Variants in FSD2 observed in about 807,000 individuals in gnomAD.
The protein encoded by FSD2 is fibronectin type III and SPRY domain containing 2.
FSD2 carries 71 observed loss-of-function variants against 80.4 expected under a neutral mutation model. The observed-to-expected ratio is 0.88, with a 90% CI of 0.73 to 1.08. The LOEUF (loss-of-function observed/expected upper bound fraction) is 1.08. FSD2 is among the 50% of genes least tolerant of loss of function. The pLI, the probability that FSD2 is intolerant of heterozygous loss-of-function variation, is 0.00. For synonymous variants in FSD2, 361 were observed against 329.5 expected (o/e 1.10, Z -1.03); for missense variants, 923 against 913.8 (o/e 1.01, Z -0.13).
rs879609595 is a variant in FSD2, at chr15:82,757,522, C to G, written c.*1826G>C. The stretch of plus-strand genomic sequence containing the variant: ...AATTTTTTTGTATTTTTAGTAGAGA[C>G]GGGGTTTCACCGTATTAGCCAGGAT... On this transcript the variant is annotated 3_prime_UTR_variant, in exon 13 of 13. Transcript: ENST00000334574. 2 of 151,926 alleles carry G rather than the reference C, an allele frequency of 1.3e-5. No individual in the cohort carries two copies. The highest frequency in any genetic ancestry group is 2.9e-5 in the Non-Finnish European group (2 of 68,016). The allele number at this position is 151,926 out of a possible 1,614,324, so 9.4% of individuals were successfully genotyped here.
intron 1 of FSD2, among the ~76,000 whole-genome samples, chr15:82,797,039 AAAC>A (rs200008144): frequency 1.6e-4 from 24 of 149,862 alleles, no homozygotes; most frequent in African/African-American, 3.9e-4. Context: ...AAAAAAAAAA[AAAC>A]ACCTCCAGGG....
At position 82,757,250 on chromosome 15, in the gene FSD2, G is replaced by A. The variant is rs1231356689; in HGVS notation, c.*2098C>T. 1 of 151,708 alleles carries A rather than the reference G, an allele frequency of 6.6e-6. No individual in the cohort carries two copies. The highest frequency in any genetic ancestry group is 1.5e-5 in the Non-Finnish European group (1 of 68,004). 9.4% of individuals were successfully genotyped at this position (151,708 alleles called of 1,614,324 possible). A position where few individuals can be genotyped will look rare whatever the true frequency, so the allele number is the denominator to read the frequency against. On this transcript the variant is annotated 3_prime_UTR_variant, in exon 13 of 13. Transcript: ENST00000334574. ...TCCATTTATCCGTGTTCATACTAAC[G>A]TGTAGTATTCCATAAAGCCTATTAG...
intron 1 of FSD2, 104 bp downstream of exon 1, chr15:82,805,859 CATG>C (rs1278364356): frequency 2.0e-5 from 3 of 152,186 alleles, no homozygotes; most frequent in Non-Finnish European, 2.9e-5. Context: ...TGCAATTTAC[CATG>C]ATATCTCTTC....
At position 82,756,114 on chromosome 15, in the gene FSD2, TAC is replaced by T. The variant is rs755070067; in HGVS notation, c.*3232_*3233del. 1 of 416,558 alleles carries T rather than the reference TAC, an allele frequency of 2.4e-6. No individual in the cohort carries two copies. The highest frequency in any genetic ancestry group is 2.4e-5 in the Admixed American group (1 of 41,988). The allele number at this position is 416,558 out of a possible 1,614,324, so 25.8% of individuals were successfully genotyped here. The stretch of plus-strand genomic sequence containing the variant: ...GTCTTCCTATAGAAAATAGGAGTAG[TAC>T]ACTTATAGATGAGAAAACTGGAGAA... On this transcript the variant is annotated 3_prime_UTR_variant, in exon 13 of 13. Transcript: ENST00000334574.
chr15:82,763,286 G>A (rs1294111270), intron 11 of FSD2, among the ~76,000 whole-genome samples: 7 of 152,118 alleles, frequency 4.6e-5, no homozygotes, highest in South Asian at 4.1e-4. Flanking sequence ...TTATCTACCC[G>A]GTAACCCCCT....
intron 8 of FSD2, 129 bp downstream of exon 8, chr15:82,769,621 A>G: frequency 1.7e-6 from 2 of 1,192,090 alleles, no homozygotes; most frequent in East Asian, 2.4e-5. Flanking sequence ...TGTTAAATAA[A>G]AGAAAAAAAT....
chr15:82,769,775 AGAGGGGCTGGG>A lies in FSD2; in HGVS notation c.1366_1376del (p.Pro456Ter). On this transcript the variant is annotated frameshift_variant, in exon 8 of 13. Transcript: ENST00000334574. LOFTEE classifies it high-confidence loss of function. Reference sequence around the variant, plus strand: ...CTGTCATGTACACTGCACGCTCGCTAGAGGGGCTGGGGCCAGCCCTGTTGTGAGCTGTGACC... The same window carrying A: ...CTGTCATGTACACTGCACGCTCGCTAGCCAGCCCTGTTGTGAGCTGTGACC... 1 of 1,613,938 alleles carries A rather than the reference AGAGGGGCTGGG, an allele frequency of 6.2e-7. No homozygotes were observed. The highest frequency in any genetic ancestry group is 8.5e-7 in the Non-Finnish European group (1 of 1,179,844).
At chr15:82,774,268 G>T (rs2049660379) in intron 6 of FSD2, among the ~76,000 whole-genome samples, 1 of 152,004 alleles carries the variant, frequency 6.6e-6, no homozygotes, top group Non-Finnish European at 1.5e-5. Flanking sequence ...TAGAGATAGG[G>T]TCTTGCTATT....
intron 7 of FSD2, 139 bp from the exon 8 acceptor site, chr15:82,770,023 T>TCATGCTGCA: frequency 1.1e-6 from 1 of 888,556 alleles, no homozygotes; most frequent in Non-Finnish European, 1.7e-6. Context: ...CTCTGCAGCA[T>TCATGCTGCA]GACTTTGCTG....
At position 82,787,019 on chromosome 15, in the gene FSD2, T is replaced by A; in HGVS notation, c.372A>T (p.Gly124=). The part of the protein sequence containing the change: ...AREQRDWRLS[G]EAAEAEDLGF... ...CCAGGTCCTCGGCCTCCGCTGCCTC[T>A]CCACTAAGTCTCCAGTCTCTCTGCT... Residue 124 remains glycine, a synonymous_variant, in exon 2 of 13, where the codon GGA becomes GGT. Coordinates refer to ENST00000334574, the MANE Select transcript of FSD2 (RefSeq NM_001007122.4). 6.2e-7 allele frequency: 1 copy of A among 1,614,008 alleles called. No individual in the cohort carries two copies. The highest frequency in any genetic ancestry group is 1.1e-5 in the South Asian group (1 of 91,088).
chr15:82,769,902 T>C lies in FSD2; in HGVS notation c.1268-18A>G. On this transcript the variant is annotated intron_variant, in intron 7 of 12. Transcript: ENST00000334574. ...TGTAAACTCTGGGGAAAAAAAAAGATAAGAATTCAACCCTAAAAACTGGCC... is the reference window on the plus strand; with the variant it reads ...TGTAAACTCTGGGGAAAAAAAAAGACAAGAATTCAACCCTAAAAACTGGCC... 4 of 1,612,568 alleles carry C rather than the reference T, an allele frequency of 2.5e-6. No individual in the cohort carries two copies. The highest frequency in any genetic ancestry group is 1.1e-5 in the South Asian group (1 of 91,042).
chr15:82,765,185 T>C lies in FSD2; in HGVS notation c.1801A>G (p.Ser601Gly). The change falls in exon 11 of 13, where the codon AGC becomes GGC. Residue 601 changes from serine to glycine, a missense_variant. Ser to Gly is a moderately conservative substitution (Grantham distance 56). Transcript: ENST00000334574. ...AAGTACCTGGTGAAGTGAGTGTCGC[T>C]GGGTGACAGCTCCCTGGCGGGGGTT... The part of the protein sequence containing the change: ...RRTPARELSP[S>G]DTHFTRCVAV... 5 of 1,605,282 alleles carry C rather than the reference T, an allele frequency of 3.1e-6. No homozygotes were observed. The highest frequency in any genetic ancestry group is 4.3e-6 in the Non-Finnish European group (5 of 1,175,398).
At chr15:82,776,518 A>G (rs1320061875) in intron 6 of FSD2, among the ~76,000 whole-genome samples, 2 of 152,314 alleles carry the variant, frequency 1.3e-5, no homozygotes, top group East Asian at 3.9e-4. Context: ...ACTTAGAAAT[A>G]AACTTAACTG....
At chr15:82,772,787 CT>C (rs1174537662) in intron 6 of FSD2, among the ~76,000 whole-genome samples, 2 of 152,214 alleles carry the variant, frequency 1.3e-5, no homozygotes, top group Admixed American at 6.5e-5. Flanking sequence ...TCCCCCACCC[CT>C]ATACAGTCTC....
rs2049236092 is a variant in FSD2, at chr15:82,759,405, A to T, written c.2193T>A (p.Pro731=). The T allele has an allele frequency of 6.2e-7, 1 of 1,613,786 alleles. No homozygotes were observed. The change falls in exon 13 of 13, where the codon CCT becomes CCA. Residue 731 remains proline (P), a synonymous_variant. Transcript: ENST00000334574. ...FVHPCFSLEK[P]GCLKVHNGIS... Reference sequence around the variant, plus strand: ...TGCCATTATGTACCTTTAGACACCCAGGCTTTTCCAAAGAAAAACAGGGAT... The same window carrying T: ...TGCCATTATGTACCTTTAGACACCCTGGCTTTTCCAAAGAAAAACAGGGAT...
intron 11 of FSD2, among the ~76,000 whole-genome samples, chr15:82,762,920 C>T (rs2049324093): frequency 6.6e-6 from 1 of 152,200 alleles, no homozygotes; most frequent in Non-Finnish European, 1.5e-5. Flanking sequence ...AGTGAATATT[C>T]TACCTTCTTC....
At chr15:82,773,645 A>G (rs1417394088) in intron 6 of FSD2, among the ~76,000 whole-genome samples, 1 of 152,234 alleles carries the variant, frequency 6.6e-6, no homozygotes, top group Non-Finnish European at 1.5e-5. Flanking sequence ...AGAACCATCC[A>G]GTGGACGTCA....
At position 82,757,589 on chromosome 15, in the gene FSD2, C is replaced by G. The variant is rs142681630; in HGVS notation, c.*1759G>C. ...CCTTGTGATCCATCCACCTTGGCCC[C>G]CCAAAGTGCTGGGATTACAGGCGTG... On this transcript the variant is annotated 3_prime_UTR_variant, in exon 13 of 13. Coordinates refer to ENST00000334574, the MANE Select transcript of FSD2 (RefSeq NM_001007122.4). 21 of 152,262 alleles carry G rather than the reference C, an allele frequency of 1.4e-4. No homozygotes were observed. The East Asian group carries it at 3.9e-3, about 28-fold the overall frequency. 9.4% of individuals were successfully genotyped at this position (152,262 alleles called of 1,614,324 possible). A position where few individuals can be genotyped will look rare whatever the true frequency, so the allele number is the denominator to read the frequency against.
chr15:82,778,379 C>T (rs964269088), intron 6 of FSD2, among the ~76,000 whole-genome samples: 1 of 151,690 alleles, frequency 6.6e-6, no homozygotes, highest in Non-Finnish European at 1.5e-5. Flanking sequence ...GAAGTTTTAC[C>T]ATCTGTGACA....
Sources: allele counts gnomAD v4.1 joint callset (sites outside exome capture counted in the v4.1 genomes callset), GRCh38; gene constraint gnomAD v4.1.1; transcripts MANE v1.5; gene names NCBI Gene and HGNC (gene_info 2026-07-23, HGNC 2026-07-21).